The following UCP2 variants were observed in gnomAD, a reference collection of about 807,000 sequenced individuals.
UCP2 encodes the protein dicarboxylate carrier SLC25A8.
Under a neutral mutation model 31.3 loss-of-function variants are expected in UCP2, and 27 were observed. The observed-to-expected ratio is 0.86, with a 90% CI of 0.64 to 1.19. UCP2 has a LOEUF of 1.19. UCP2 is among the 50% of genes most tolerant of loss of function. UCP2 has a pLI of 0.00. For synonymous variants in UCP2, 142 were observed against 157.4 expected (o/e 0.90, Z 0.73); for missense variants, 377 against 413.5 (o/e 0.91, Z 0.76).
intron 2 of UCP2, among the ~76,000 whole-genome samples, chr11:73,979,219 GC>G (rs367681094): frequency 1.5e-3 from 234 of 152,334 alleles, no homozygotes; most frequent in African/African-American, 5.3e-3. Context: ...AACAACTAAT[GC>G]CATTGGGAGA....
chr11:73,975,806 A>T, intron 6 of UCP2, 135 bp from the exon 7 acceptor site: 1 of 1,112,040 alleles, frequency 9.0e-7, no homozygotes, highest in South Asian at 1.3e-5. Flanking sequence ...TCATGCCTGT[A>T]ATCCAGGACT....
At chr11:73,975,252 G>T in intron 7 of UCP2, 131 bp from the exon 8 acceptor site, 2 of 968,178 alleles carry the variant, frequency 2.1e-6, no homozygotes, top group Non-Finnish European at 3.2e-6. Context: ...TGAGCTCACA[G>T]CTGCTTGGCT....
chr11:73,976,953 G>GGCCACA lies in UCP2; in HGVS notation c.396_401dup (p.Val133_Ala134dup), dbSNP rs780795489. The GGCCACA allele has an allele frequency of 2.5e-6, 4 of 1,610,352 alleles. No individual in the cohort carries two copies. In the East Asian group the frequency reaches 6.7e-5, roughly 27 times the overall value. On this transcript the variant is annotated inframe_insertion, in exon 5 of 8. Coordinates refer to ENST00000663595, the MANE Select transcript of UCP2 (RefSeq NM_003355.3). ...GGACCTTTACCACATCCGTGGGCTGGGCCACAGCCACAGCCAGGGCACCTG... is the reference window on the plus strand; with the variant it reads ...GGACCTTTACCACATCCGTGGGCTGGGCCACAGCCACAGCCACAGCCAGGGCACCTG...
At chr11:73,983,129 A>C (rs1040544495), upstream of UCP2, 2 of 152,258 alleles carry the variant, frequency 1.3e-5, no homozygotes, top group Admixed American at 1.3e-4. Flanking sequence ...CTCTGTGAGG[A>C]TGGCAAGACT....
chr11:73,978,032 C>G lies in UCP2; in HGVS notation c.191G>C (p.Gly64Ala). Residue 64 changes from glycine (G) to alanine (A), a missense_variant, in exon 4 of 8, where the codon GGC becomes GCC. Gly to Ala is a moderately conservative substitution (Grantham distance 60). Coordinates refer to ENST00000663595, the MANE Select transcript of UCP2 (RefSeq NM_003355.3). The part of the protein sequence containing the change: ...TASAQYRGVM[G>A]TILTMVRTEG... ...AGTACGCACCATGGTCAGAATGGTG[C>G]CCATCACACCGCGGTACTGGGCGCT... 1 of 1,614,184 alleles carries G rather than the reference C, an allele frequency of 6.2e-7. No homozygotes were observed. The highest frequency in any genetic ancestry group is 8.5e-7 in the Non-Finnish European group (1 of 1,180,036).
intron 2 of UCP2, chr11:73,978,809 C>T: frequency 3.3e-6 from 1 of 301,596 alleles, no homozygotes; most frequent in South Asian, 3.0e-5. Flanking sequence ...TGCCCACATT[C>T]CTGCTTCTGT....
At chr11:73,981,861 G>A (rs1167113151) in intron 1 of UCP2, among the ~76,000 whole-genome samples, 2 of 139,330 alleles carry the variant, frequency 1.4e-5, no homozygotes, top group African/African-American at 5.3e-5. Flanking sequence ...TTCTGCTTTT[G>A]TAACACTCAG....
At chr11:73,978,191 C>T in intron 3 of UCP2, 62 bp downstream of exon 3, 2 of 1,614,020 alleles carry the variant, frequency 1.2e-6, no homozygotes, top group Admixed American at 1.7e-5. Flanking sequence ...CTTGAGGGGT[C>T]TGTGTCTTTG....
chr11:73,980,154 G>C (rs929847616), intron 2 of UCP2: 10 of 152,196 alleles, frequency 6.6e-5, no homozygotes, highest in Admixed American at 1.3e-4. Context: ...GCACCCTAGT[G>C]GGGGAGGGTG....
At chr11:73,977,761 G>T in intron 4 of UCP2, 125 bp downstream of exon 4, 1 of 1,325,418 alleles carries the variant, frequency 7.5e-7, no homozygotes, top group Non-Finnish European at 1.0e-6. Flanking sequence ...GCCCCTTCCA[G>T]TTCTCTGTTC....
chr11:73,982,786 A>ACGAGCCGGG lies in UCP2; in HGVS notation c.-331_-323dup, dbSNP rs1168227254. 2.6e-5 allele frequency: 4 copies of ACGAGCCGGG among 152,310 alleles called. No homozygotes were observed. Among genetic ancestry groups the ACGAGCCGGG allele is most frequent in the African/African-American group, 7.3e-5 (3 of 41,354 alleles). The allele number at this position is 152,310 out of a possible 1,614,324, so 9.4% of individuals were successfully genotyped here. On this transcript the variant is annotated 5_prime_UTR_variant, in exon 1 of 8. Coordinates refer to ENST00000663595, the MANE Select transcript of UCP2 (RefSeq NM_003355.3). The stretch of plus-strand genomic sequence containing the variant: ...TGTCGGCTGGCGGAGGGCGCGTCGG[A>ACGAGCCGGG]CGAGCCGGGCGAGCGTGGACAGTCA...
At chr11:73,975,804 G>T in intron 6 of UCP2, 133 bp from the exon 7 acceptor site, 2 of 1,138,134 alleles carry the variant, frequency 1.8e-6, no homozygotes, top group Non-Finnish European at 2.5e-6. Context: ...TCTCATGCCT[G>T]TAATCCAGGA....
At chr11:73,981,708 T>C (rs574558894) in intron 1 of UCP2, 76 bp from the exon 2 acceptor site, 1 of 152,414 alleles carries the variant, frequency 6.6e-6, no homozygotes, top group African/African-American at 2.4e-5. Context: ...AATCCATGCC[T>C]TGGAGGGGGA....
In UCP2 at chr11:73,976,876, ACGGTGCTTTGGTATCT is replaced by A. The variant is rs1377867914; in HGVS notation, c.463_478del (p.Arg155SerfsTer36). 6.2e-7 allele frequency: 1 copy of A among 1,614,212 alleles called. No homozygotes were observed. The highest frequency in any genetic ancestry group is 1.7e-5 in the Admixed American group (1 of 60,024). ...TCGGGCAATGGTCTTGTAGGCATTGACGGTGCTTTGGTATCTCCGACCACCTCCAGCCCGGGCCTGA... is the reference window on the plus strand; with the variant it reads ...TCGGGCAATGGTCTTGTAGGCATTGACCGACCACCTCCAGCCCGGGCCTGA... On this transcript the variant is annotated frameshift_variant, in exon 5 of 8. Transcript: ENST00000663595. LOFTEE classifies it high-confidence loss of function.
In UCP2 at chr11:73,974,911, G is replaced by GGT. The variant is rs1951314072; in HGVS notation, c.*95_*96insAC. On this transcript the variant is annotated 3_prime_UTR_variant, in exon 8 of 8. Transcript: ENST00000663595. ...GAAGAGGTGGGGAAAGAGGGAAGGA[G>GGT]AGAAGGGAAGGAGGGAAGAGAAAGA... 2.0e-5 allele frequency: 21 copies of GGT among 1,041,246 alleles called. No homozygotes were observed. Among genetic ancestry groups the GGT allele is most frequent in the Non-Finnish European group, 2.9e-6 (2 of 681,970 alleles). The allele number at this position is 1,041,246 out of a possible 1,614,324, so 64.5% of individuals were successfully genotyped here. A position where few individuals can be genotyped will look rare whatever the true frequency, so the allele number is the denominator to read the frequency against.
Position 73,975,471 on chromosome 11 carries a change from G to T in UCP2, c.815+20C>A, listed in dbSNP as rs368828929. ...CATAGCCAAGAGGCCTGAACTGGGT[G>T]GGGAGGACCAGAGGCTCACCCTTTG... is the stretch of plus-strand genomic sequence containing the variant. On this transcript the variant is annotated intron_variant, in intron 7 of 7. Coordinates refer to ENST00000663595, the MANE Select transcript of UCP2 (RefSeq NM_003355.3). 1.2e-5 allele frequency: 19 copies of T among 1,602,970 alleles called. No homozygotes were observed. The highest frequency in any genetic ancestry group is 1.1e-5 in the Non-Finnish European group (13 of 1,173,842).
intron 2 of UCP2, among the ~76,000 whole-genome samples, chr11:73,979,229 G>T (rs895050331): frequency 6.6e-6 from 1 of 152,210 alleles, no homozygotes; most frequent in Admixed American, 6.5e-5. Flanking sequence ...GCCATTGGGA[G>T]AGAAGGAAGA....
rs1306620632 is a variant in UCP2, at chr11:73,974,767, C to T, written c.*240G>A. On this transcript the variant is annotated 3_prime_UTR_variant, in exon 8 of 8. Coordinates refer to ENST00000663595, the MANE Select transcript of UCP2 (RefSeq NM_003355.3). Reference sequence around the variant, plus strand: ...GCTGAACTTTCCAAGGGACGGGACGCTTGGGATCCTGGCTGGTACGAGGCC... The same window carrying T: ...GCTGAACTTTCCAAGGGACGGGACGTTTGGGATCCTGGCTGGTACGAGGCC... The T allele has an allele frequency of 2.7e-6, 1 of 371,012 alleles. No individual in the cohort carries two copies. Among genetic ancestry groups the T allele is most frequent in the Admixed American group, 5.0e-5 (1 of 19,870 alleles). 23.0% of individuals were successfully genotyped at this position (371,012 alleles called of 1,614,324 possible). A position where few individuals can be genotyped will look rare whatever the true frequency, so the allele number is the denominator to read the frequency against.
chr11:73,976,090 C>T (rs1054528504), intron 6 of UCP2, among the ~76,000 whole-genome samples: 5 of 151,898 alleles, frequency 3.3e-5, no homozygotes, highest in Non-Finnish European at 5.9e-5. Flanking sequence ...GAGGATGGGG[C>T]GCAGAGGCTC....
Sources: allele counts gnomAD v4.1 joint callset (sites outside exome capture counted in the v4.1 genomes callset), GRCh38; gene constraint gnomAD v4.1.1; transcripts MANE v1.5; gene names NCBI Gene and HGNC (gene_info 2026-07-23, HGNC 2026-07-21).